The following ACACB variants were observed in gnomAD, a reference collection of about 807,000 sequenced individuals.
The protein encoded by ACACB is acetyl-CoA carboxylase 2.
In ACACB, 209 loss-of-function variants were observed where a neutral mutation model predicts 278.8. The observed-to-expected ratio is 0.75, with a 90% CI of 0.67 to 0.84. The LOEUF (loss-of-function observed/expected upper bound fraction) is 0.84, where lower values mean the gene tolerates loss of function less well. Ranked by LOEUF, ACACB falls within the 40% of genes least tolerant of loss-of-function variation. The probability of loss-of-function intolerance (pLI) is 0.00; values close to 1 mark genes in which losing one functional copy is unlikely to be tolerated. For missense variants in ACACB, 2,850 were observed against 3,269.0 expected (o/e 0.87, Z 3.13); for synonymous variants, 1,174 against 1,285.6 (o/e 0.91, Z 1.86).
intron 34 of ACACB, 31 bp downstream of exon 34, chr12:109,237,411 T>C: frequency 6.3e-7 from 1 of 1,580,868 alleles, no homozygotes; most frequent in Non-Finnish European, 8.6e-7. Context: ...TCTTCCTCTC[T>C]CAGAACCTGG....
chr12:109,218,645 T>C (rs892731643), intron 24 of ACACB, among the ~76,000 whole-genome samples: 2 of 151,406 alleles, frequency 1.3e-5, no homozygotes, highest in African/African-American at 4.9e-5. Context: ...TAGAAAGGGG[T>C]TTGGCAATTT....
chr12:109,261,571 T>C (rs2047377069), intron 48 of ACACB, among the ~76,000 whole-genome samples: 1 of 151,874 alleles, frequency 6.6e-6, no homozygotes, highest in Non-Finnish European at 1.5e-5. Context: ...AAGGGGTAAA[T>C]AAAAATGTTG....
rs753723591 is a variant in ACACB at position 109,265,485 on chromosome 12, A to G, written c.7210A>G (p.Thr2404Ala). 6.8e-6 allele frequency: 11 copies of G among 1,613,648 alleles called. No homozygotes were observed. The highest frequency in any genetic ancestry group is 9.3e-6 in the Non-Finnish European group (11 of 1,179,918). The part of the protein sequence containing the change: ...GPRSTIRENI[T>A]YLKHDSVLKT... Reference sequence around the variant, plus strand: ...GCGCTCCACCATCCGTGAGAACATCACGTACCTGAAGCACGACTCTGTCCT... The same window carrying G: ...GCGCTCCACCATCCGTGAGAACATCGCGTACCTGAAGCACGACTCTGTCCT... Residue 2404 changes from threonine (T) to alanine (A), a missense_variant, in exon 52 of 53, where the codon ACG becomes GCG. This residue lies in a region of ACACB where 579 missense variants were observed against 684.6 expected (regional missense o/e 0.85). Transcript: ENST00000338432.
Position 109,166,928 on chromosome 12 carries a change from G to T in ACACB, c.721G>T (p.Asp241Tyr). ...ACACAAGAAGCTGGACCTGCACAGAGACTTTACCGTGGCTTCTCCCGCTGA... is the reference window on the plus strand; with the variant it reads ...ACACAAGAAGCTGGACCTGCACAGATACTTTACCGTGGCTTCTCCCGCTGA... ...REHKKLDLHR[D>Y]FTVASPAEFV... The change falls in exon 3 of 53, where the codon GAC becomes TAC. Residue 241 changes from aspartate (D) to tyrosine (Y), a missense_variant. Transcript: ENST00000338432. 2 of 1,614,134 alleles carry T rather than the reference G, an allele frequency of 1.2e-6. No individual in the cohort carries two copies. Among genetic ancestry groups the T allele is most frequent in the South Asian group, 2.2e-5 (2 of 91,078 alleles).
intron 22 of ACACB, among the ~76,000 whole-genome samples, chr12:109,215,369 A>T (rs967635498): frequency 1.3e-5 from 2 of 151,544 alleles, no homozygotes; most frequent in African/African-American, 2.4e-5. Flanking sequence ...CTCCAGTTTG[A>T]TGTGGGACTT....
chr12:109,130,192 C>A (rs1404209048), intron 1 of ACACB, among the ~76,000 whole-genome samples: 1 of 152,084 alleles, frequency 6.6e-6, no homozygotes, highest in African/African-American at 2.4e-5. Context: ...TGTGTACAGC[C>A]CAACTGCATC....
At chr12:109,234,311 G>A (rs539918053) in intron 31 of ACACB, among the ~76,000 whole-genome samples, 71 of 152,274 alleles carry the variant, frequency 4.7e-4, no homozygotes, top group African/African-American at 1.6e-3. Flanking sequence ...GGTACGGAGG[G>A]CACACCCAAT....
intron 26 of ACACB, among the ~76,000 whole-genome samples, 197 bp from the exon 27 acceptor site, chr12:109,223,618 G>T (rs1291588579): frequency 1.3e-5 from 2 of 152,104 alleles, no homozygotes; most frequent in Non-Finnish European, 2.9e-5. Flanking sequence ...AAAAAAAAGA[G>T]CCACGATGTT....
chr12:109,130,185 G>A (rs368837490), intron 1 of ACACB, among the ~76,000 whole-genome samples: 39 of 152,172 alleles, frequency 2.6e-4, no homozygotes, highest in African/African-American at 9.2e-4. Context: ...GCTCAGATGT[G>A]TACAGCCCAA....
intron 42 of ACACB, chr12:109,252,380 T>C (rs143078194): frequency 5.5e-4 from 210 of 379,432 alleles, no homozygotes; most frequent in African/African-American, 3.4e-3. Context: ...ATTACTGACA[T>C]TTTAAAACAA....
At chr12:109,120,042 C>T (rs2042506608) in intron 1 of ACACB, among the ~76,000 whole-genome samples, 1 of 152,234 alleles carries the variant, frequency 6.6e-6, no homozygotes. Flanking sequence ...AAATCAGCTG[C>T]AGACTTCAAT....
In ACACB at chr12:109,171,820, C is replaced by T. The variant is rs746301361; in HGVS notation, c.941C>T (p.Ala314Val). The change falls in exon 5 of 53, where the codon GCG (alanine) becomes GTG (valine). Residue 314 changes from alanine to valine, a missense_variant. Around this residue, in one of 3 missense-constraint regions of ACACB, gnomAD observed 2,265 missense variants for 2,561.3 expected, o/e 0.88. Transcript: ENST00000338432. ...TTAATTTCAGAGTACATCAAGATGG[C>T]GGATCATTACGTCCCCGTCCCAGGA... ...LKANAEYIKMADHYVPVPGGP... is the reference protein window; with the variant it reads ...LKANAEYIKMVDHYVPVPGGP... 13 of 1,613,536 alleles carry T rather than the reference C, an allele frequency of 8.1e-6. No homozygotes were observed. Among genetic ancestry groups the T allele is most frequent in the East Asian group, 4.5e-5 (2 of 44,896 alleles).
chr12:109,210,248 TACACACATGTGTGTATATGTACATATAC>T (rs1565927462), intron 21 of ACACB, among the ~76,000 whole-genome samples: 477 of 47,182 alleles, frequency 0.01, 96 homozygotes, highest in African/African-American at 0.049. Flanking sequence ...TATGTATATA[TACACACATGTGTGTATATGTACATATAC>T]ACACACATAT....
At chr12:109,196,191 G>A (rs1325546796) in intron 16 of ACACB, among the ~76,000 whole-genome samples, 1 of 152,160 alleles carries the variant, frequency 6.6e-6, no homozygotes, top group Non-Finnish European at 1.5e-5. Flanking sequence ...TGGGGCCAGG[G>A]CTTGGCTGTG....
intron 2 of ACACB, among the ~76,000 whole-genome samples, chr12:109,147,538 A>G (rs989696696): frequency 6.6e-6 from 1 of 151,392 alleles, no homozygotes; most frequent in African/African-American, 2.4e-5. Context: ...AACCTCCACA[A>G]CCGGCTCCTA....
chr12:109,112,361 C>T (rs185838349), upstream of ACACB, among the ~76,000 whole-genome samples: 4 of 151,402 alleles, frequency 2.6e-5, no homozygotes, highest in East Asian at 7.8e-4. Flanking sequence ...CACAGAGCAG[C>T]TTCTGGGTCC....
chr12:109,217,858 G>A (rs2046050710), intron 24 of ACACB, among the ~76,000 whole-genome samples: 1 of 152,226 alleles, frequency 6.6e-6, no homozygotes, highest in South Asian at 2.1e-4. Flanking sequence ...AGTCGGGTTT[G>A]TTGGCACTGG....
intron 44 of ACACB, 63 bp from the exon 45 acceptor site, chr12:109,256,077 A>C (rs867057672): frequency 7.6e-7 from 1 of 1,314,402 alleles, no homozygotes; most frequent in South Asian, 1.2e-5. Context: ...CACAGCCAGG[A>C]GTGTCCTGGG....
At position 109,222,835 on chromosome 12, in the gene ACACB, CG is replaced by C; in HGVS notation, c.3717del (p.His1240IlefsTer27). The C allele has an allele frequency of 6.2e-7, 1 of 1,613,858 alleles. No homozygotes were observed. The highest frequency in any genetic ancestry group is 8.5e-7 in the Non-Finnish European group (1 of 1,179,894). On this transcript the variant is annotated frameshift_variant, in exon 26 of 53. Coordinates refer to ENST00000338432, the MANE Select transcript of ACACB (RefSeq NM_001093.4). LOFTEE classifies it high-confidence loss of function. ...CTCCCACCTCCCCTCCTACGAGCTG[CG>C]GCATAACCAGGTGGAGTCCATTTTC... ...IASHLPSYEL[R>X]HNQVESIFLS...
Sources: gnomAD v4.1 joint callset for allele counts (sites outside exome capture counted in the v4.1 genomes callset) on GRCh38, gnomAD v4.1.1 for gene constraint, gnomAD v4.1.1 regional missense constraint, MANE v1.5 for transcripts, NCBI Gene and HGNC (gene_info 2026-07-23, HGNC 2026-07-21) for gene names.